Variants in CDKAL1 observed in about 807,000 individuals in gnomAD.
CDKAL1 encodes CDKAL1 threonylcarbamoyladenosine tRNA methylthiotransferase, also known as threonylcarbamoyladenosine tRNA methylthiotransferase.
A neutral mutation model predicts 68.2 loss-of-function variants in CDKAL1; 32 were observed. That is an observed-to-expected ratio of 0.47 (90% CI 0.35 to 0.63). The LOEUF is 0.63. CDKAL1 is among the 30% of genes least tolerant of loss of function. The pLI is 0.00. For missense variants in CDKAL1, 606 were observed against 696.7 expected, an observed-to-expected ratio of 0.87 and a Z score of 1.47; for synonymous variants, 234 against 244.3, an observed-to-expected ratio of 0.96 and a Z score of 0.39.
chr6:21,184,196 CTT>C (rs34248538), intron 13 of CDKAL1, among the ~76,000 whole-genome samples: 1,356 of 116,860 alleles, frequency 0.012, 17 homozygotes, highest in African/African-American at 0.036. Flanking sequence ...TTTCTTTGAC[CTT>C]TTTTTTTTTT....
chr6:21,166,728 A>C (rs1056285802), intron 13 of CDKAL1, among the ~76,000 whole-genome samples: 2 of 152,204 alleles, frequency 1.3e-5, no homozygotes, highest in African/African-American at 4.8e-5. Context: ...TACCTGCTAA[A>C]AAGTATTTGG....
chr6:20,902,358 C>CACACAA (rs769859254), intron 9 of CDKAL1, among the ~76,000 whole-genome samples: 5,768 of 25,436 alleles, frequency 0.23, 220 homozygotes, highest in African/African-American at 0.25. Flanking sequence ...CACACACACA[C>CACACAA]AATGTGTTTA....
intron 5 of CDKAL1, among the ~76,000 whole-genome samples, chr6:20,663,977 A>T (rs1057125430): frequency 1.3e-5 from 2 of 152,172 alleles, no homozygotes; most frequent in African/African-American, 4.8e-5. Flanking sequence ...ACTTGAAAAA[A>T]AAATGGAGAA....
intron 5 of CDKAL1, among the ~76,000 whole-genome samples, chr6:20,695,624 A>G (rs1771075068): frequency 6.6e-6 from 1 of 152,058 alleles, no homozygotes; most frequent in Non-Finnish European, 1.5e-5. Context: ...TGTTCCTGCT[A>G]CTTCCATCAT....
chr6:20,805,561 T>C (rs1413457315), intron 8 of CDKAL1, among the ~76,000 whole-genome samples: 7 of 152,206 alleles, frequency 4.6e-5, no homozygotes, highest in African/African-American at 1.7e-4. Flanking sequence ...AGCGTTGTGT[T>C]TATTATGTGG....
At chr6:20,972,414 G>A (rs903212223) in intron 10 of CDKAL1, among the ~76,000 whole-genome samples, 1 of 152,118 alleles carries the variant, frequency 6.6e-6, no homozygotes, top group East Asian at 1.9e-4. Flanking sequence ...CAAGGCACCA[G>A]CTATTCTTCT....
chr6:21,019,800 C>A (rs56034399), intron 11 of CDKAL1, among the ~76,000 whole-genome samples: 2,785 of 152,150 alleles, frequency 0.018, 84 homozygotes, highest in African/African-American at 0.062. Context: ...CATATGCTCA[C>A]AAGCCACTAG....
intron 15 of CDKAL1, among the ~76,000 whole-genome samples, chr6:21,204,991 G>A (rs558039584): frequency 3.3e-5 from 5 of 152,110 alleles, no homozygotes; most frequent in Admixed American, 6.5e-5. Context: ...TCTACTTTCC[G>A]CCTCTATGAA....
chr6:20,577,150 A>G (rs1764948335), intron 4 of CDKAL1, among the ~76,000 whole-genome samples: 1 of 152,126 alleles, frequency 6.6e-6, no homozygotes, highest in African/African-American at 2.4e-5. Context: ...GTTGTGAGAG[A>G]AAGAGCTGTA....
rs1208850328 is a variant in CDKAL1 at position 21,028,273 on chromosome 6, A to G, written c.1055+27901A>G. Among the ~76,000 whole-genome samples, 4 of 152,206 alleles carry G rather than the reference A, an allele frequency of 2.6e-5. No homozygotes were observed. The South Asian group carries it at 6.2e-4, about 24-fold the overall frequency. ...TTTAAGGGTTTTCTCTGTGCCAAGC[A>G]GTATCTTAGAACCATATAGACATTA... On this transcript the variant is annotated intron_variant, in intron 11 of 15. Coordinates refer to ENST00000274695, the MANE Select transcript of CDKAL1 (RefSeq NM_017774.3).
In CDKAL1 at chr6:20,781,170, G is replaced by C. The variant is rs1374733941; in HGVS notation, c.543G>C (p.Gln181His). 2 of 1,613,902 alleles carry C rather than the reference G, an allele frequency of 1.2e-6. No individual in the cohort carries two copies. The highest frequency in any genetic ancestry group is 1.7e-5 in the Admixed American group (1 of 59,962). The change falls in exon 8 of 16, where the codon CAG (glutamine) becomes CAC (histidine). Residue 181 changes from glutamine to histidine, a missense_variant. By Grantham distance (24) the Gln-to-His change is conservative. Coordinates refer to ENST00000274695, the MANE Select transcript of CDKAL1 (RefSeq NM_017774.3). ...GTCACTCTGTGAGACTGCTGGGTCA[G>C]AAAAAGGATAATGGAAGGCGGCTTG... The part of the protein sequence containing the change: ...IKGHSVRLLG[Q>H]KKDNGRRLGG...
intron 13 of CDKAL1, among the ~76,000 whole-genome samples, chr6:21,171,304 C>G (rs1388514191): frequency 6.6e-6 from 1 of 152,106 alleles, no homozygotes; most frequent in Admixed American, 6.5e-5. Flanking sequence ...CCTCTGCCTC[C>G]CAGGTTCAAA....
intron 13 of CDKAL1, among the ~76,000 whole-genome samples, chr6:21,149,077 T>A (rs1776296338): frequency 6.6e-6 from 1 of 152,174 alleles, no homozygotes; most frequent in Non-Finnish European, 1.5e-5. Context: ...TCAAGAAGCT[T>A]ACTGTCAGTA....
intron 9 of CDKAL1, among the ~76,000 whole-genome samples, chr6:20,891,123 T>C (rs1761370594): frequency 6.6e-6 from 1 of 152,214 alleles, no homozygotes. Flanking sequence ...CTCAGAGCTC[T>C]TGGCTTAACC....
intron 9 of CDKAL1, among the ~76,000 whole-genome samples, chr6:20,869,462 C>T (rs761520933): frequency 2.0e-5 from 3 of 152,136 alleles, no homozygotes; most frequent in Non-Finnish European, 4.4e-5. Context: ...TTTATTTCTA[C>T]AGGCCGATGT....
At chr6:20,735,283 C>T (rs1054448658) in intron 5 of CDKAL1, among the ~76,000 whole-genome samples, 4 of 151,182 alleles carry the variant, frequency 2.6e-5, no homozygotes, top group African/African-American at 4.9e-5. Flanking sequence ...AAAGACATAC[C>T]TGAGACTGGG....
intron 12 of CDKAL1, among the ~76,000 whole-genome samples, chr6:21,098,169 G>A (rs573788705): frequency 1.3e-4 from 20 of 152,276 alleles, no homozygotes; most frequent in African/African-American, 4.3e-4. Context: ...AGAGCTCGGC[G>A]AATGGATTTT....
intron 9 of CDKAL1, among the ~76,000 whole-genome samples, chr6:20,860,501 A>G (rs919076184): frequency 6.6e-6 from 1 of 152,228 alleles, no homozygotes; most frequent in Non-Finnish European, 1.5e-5. Context: ...AGAGCTTGGC[A>G]TAGCATAGGG....
chr6:21,141,530 T>C (rs1775908569), intron 13 of CDKAL1, among the ~76,000 whole-genome samples: 1 of 152,224 alleles, frequency 6.6e-6, no homozygotes, highest in Admixed American at 6.5e-5. Context: ...TAGTGGGTAC[T>C]TAATAATTTT....
Sources: gnomAD v4.1 joint callset for allele counts (sites outside exome capture counted in the v4.1 genomes callset) on GRCh38, gnomAD v4.1.1 for gene constraint, MANE v1.5 for transcripts, NCBI Gene and HGNC (gene_info 2026-07-23, HGNC 2026-07-21) for gene names.